BMP8B: variants seen among roughly 807,000 people sequenced by gnomAD.
BMP8B encodes bone morphogenetic protein 8 (osteogenic protein 2).
BMP8B carries 17 observed loss-of-function variants against 30.3 expected under a neutral mutation model. The observed-to-expected ratio is 0.56, with a 90% CI of 0.38 to 0.84. The LOEUF (loss-of-function observed/expected upper bound fraction) is 0.84, where lower values mean the gene tolerates loss of function less well. Ranked by LOEUF, BMP8B falls within the 40% of genes least tolerant of loss-of-function variation. BMP8B has a pLI of 0.00. For missense variants in BMP8B, 253 were observed against 494.6 expected (o/e 0.51, Z 4.63); for synonymous variants, 131 against 214.7 (o/e 0.61, Z 3.41).
intron 1 of BMP8B, among the ~76,000 whole-genome samples, chr1:39,776,775 C>T (rs1375424884): frequency 6.6e-6 from 1 of 152,212 alleles, no homozygotes; most frequent in Non-Finnish European, 1.5e-5. Context: ...CTAATAAGAT[C>T]ATCATGTTTA....
At position 39,788,569 on chromosome 1, in the gene BMP8B, G is replaced by T. The variant is rs1409754914; in HGVS notation, c.-84C>A. 1.0e-6 allele frequency: 1 copy of T among 984,734 alleles called. No homozygotes were observed. Among genetic ancestry groups the T allele is most frequent in the South Asian group, 4.5e-5 (1 of 21,986 alleles). The allele number at this position is 984,734 out of a possible 1,614,324, so 61.0% of individuals were successfully genotyped here. On this transcript the variant is annotated 5_prime_UTR_variant, in exon 1 of 7. Coordinates refer to ENST00000372827, the MANE Select transcript of BMP8B (RefSeq NM_001720.5). This position sits in a 1 kb window ranked among gnomAD's most constrained non-coding sequence, Gnocchi z 5.8. Reference sequence around the variant, plus strand: ...ACCCAGGGCCTGGGGACGCCCCGACGGCAAGGAGGCTGGGCTCGGCGGGCG... The same window carrying T: ...ACCCAGGGCCTGGGGACGCCCCGACTGCAAGGAGGCTGGGCTCGGCGGGCG...
chr1:39,782,434 C>G (rs145754801), intron 1 of BMP8B, among the ~76,000 whole-genome samples: 2 of 151,454 alleles, frequency 1.3e-5, no homozygotes, highest in African/African-American at 2.4e-5. Context: ...AATACAGCCA[C>G]TTATTGAGCA....
At position 39,760,187 on chromosome 1, in the gene BMP8B, T is replaced by G. The variant is rs905249324; in HGVS notation, c.*232A>C. 57 of 702,014 alleles carry G rather than the reference T, an allele frequency of 8.1e-5. No individual in the cohort carries two copies. The highest frequency in any genetic ancestry group is 4.1e-4 in the Middle Eastern group (1 of 2,426). 43.5% of individuals were successfully genotyped at this position (702,014 alleles called of 1,614,324 possible). On this transcript the variant is annotated 3_prime_UTR_variant, in exon 7 of 7. Coordinates refer to ENST00000372827, the MANE Select transcript of BMP8B (RefSeq NM_001720.5). ...AGGCGTTTGCATTTGGGTAGAACACTGCCTGATGATTGAGACCACCTGGGC... is the reference window on the plus strand; with the variant it reads ...AGGCGTTTGCATTTGGGTAGAACACGGCCTGATGATTGAGACCACCTGGGC...
rs545922739 is a variant in BMP8B, at chr1:39,782,594, A to G, written c.334+5558T>C. On this transcript the variant is annotated intron_variant, in intron 1 of 6. Transcript: ENST00000372827. ...GCAATTCTCCTGCCTCAGCCTCCCAAGTAGCTGGGATTACAGGCGCCTGCC... is the reference window on the plus strand; with the variant it reads ...GCAATTCTCCTGCCTCAGCCTCCCAGGTAGCTGGGATTACAGGCGCCTGCC... Among the ~76,000 whole-genome samples the G allele has an allele frequency of 3.9e-5, 6 of 152,106 alleles. No individual in the cohort carries two copies. The South Asian group carries it at 8.3e-4, about 21-fold the overall frequency.
rs561660818 is a variant in BMP8B, at chr1:39,777,635, C to T, written c.335-2597G>A. On this transcript the variant is annotated intron_variant, in intron 1 of 6. Coordinates refer to ENST00000372827, the MANE Select transcript of BMP8B (RefSeq NM_001720.5). The stretch of plus-strand genomic sequence containing the variant: ...TGTGCTCTGGGCAATTTAGTCTCAC[C>T]CAGACAACCTAAATCTGTCTTATTT... 1.3e-3 allele frequency among the ~76,000 whole-genome samples: 195 copies of T among 152,314 alleles called. 1 individual carries two copies. The highest frequency in any genetic ancestry group is 4.4e-3 in the African/African-American group (184 of 41,576).
rs1651114201 is a variant in BMP8B at position 39,788,058 on chromosome 1, C to T, written c.334+94G>A. On this transcript the variant is annotated intron_variant, in intron 1 of 6. Transcript: ENST00000372827. This position sits in a 1 kb window ranked among gnomAD's most constrained non-coding sequence, Gnocchi z 5.8. ...GTTCGCGTCCACCGTCTGTGACTCC[C>T]CGTTCGGCCAGGGCCCGGCACAGCC... 6 of 1,382,884 alleles carry T rather than the reference C, an allele frequency of 4.3e-6. No homozygotes were observed. Among genetic ancestry groups the T allele is most frequent in the Admixed American group, 6.0e-5 (2 of 33,156 alleles). 85.7% of individuals were successfully genotyped at this position (1,382,884 alleles called of 1,614,324 possible). A position where few individuals can be genotyped will look rare whatever the true frequency, so the allele number is the denominator to read the frequency against.
At chr1:39,760,687 G>A in intron 6 of BMP8B, 119 bp from the exon 7 acceptor site, 1 of 1,299,694 alleles carries the variant, frequency 7.7e-7, no homozygotes, top group East Asian at 2.5e-5. Flanking sequence ...CCACATGGGA[G>A]CAGCACAATA....
At chr1:39,778,528 A>G (rs2260474) in intron 1 of BMP8B, among the ~76,000 whole-genome samples, 97,607 of 146,736 alleles carry the variant, frequency 0.67, 33,078 homozygotes, top group Middle Eastern at 0.79. Context: ...GCACCGCCTC[A>G]AGGCGAGCCC....
At chr1:39,787,217 G>C (rs1021479402) in intron 1 of BMP8B, among the ~76,000 whole-genome samples, 1 of 146,600 alleles carries the variant, frequency 6.8e-6, no homozygotes, top group South Asian at 2.2e-4. Context: ...GCTGTCTGTG[G>C]AGGGAGGCTG....
chr1:39,787,105 G>A (rs1651035589), intron 1 of BMP8B, among the ~76,000 whole-genome samples: 1 of 152,236 alleles, frequency 6.6e-6, no homozygotes, highest in Non-Finnish European at 1.5e-5. Flanking sequence ...CGCTGTCCTA[G>A]GCATGGCGCT....
intron 6 of BMP8B, among the ~76,000 whole-genome samples, chr1:39,761,825 C>T (rs1341331639): frequency 3.9e-5 from 6 of 152,254 alleles, no homozygotes; most frequent in Admixed American, 2.6e-4. Context: ...GAGGCGTCAC[C>T]TCCACGGTTG....
chr1:39,763,054 C>A, intron 6 of BMP8B, 38 bp downstream of exon 6: 1 of 1,606,204 alleles, frequency 6.2e-7, no homozygotes, highest in Non-Finnish European at 8.5e-7. Context: ...CAGGGCCCCC[C>A]ACCCCAGGGG....
intron 5 of BMP8B, 48 bp from the exon 6 acceptor site, chr1:39,763,250 A>C (rs779434018): frequency 1.9e-6 from 3 of 1,539,098 alleles, no homozygotes; most frequent in Non-Finnish European, 2.7e-6. Context: ...CCCCTCCCTG[A>C]GCCTCAGGGC....
intron 1 of BMP8B, among the ~76,000 whole-genome samples, chr1:39,782,024 C>T (rs899577770): frequency 2.6e-5 from 4 of 151,818 alleles, no homozygotes; most frequent in African/African-American, 7.3e-5. Context: ...TGCGTGGTGG[C>T]GGGTGCCTGT....
At chr1:39,786,699 C>T (rs1359647364) in intron 1 of BMP8B, among the ~76,000 whole-genome samples, 1 of 150,276 alleles carries the variant, frequency 6.7e-6, no homozygotes, top group Non-Finnish European at 1.5e-5. Flanking sequence ...AGCCCCAGCC[C>T]CAGCTTCACA....
chr1:39,764,057 A>T, intron 4 of BMP8B: 1 of 457,890 alleles, frequency 2.2e-6, no homozygotes, highest in South Asian at 3.1e-5. Flanking sequence ...ATGCTCCAGT[A>T]AACAGCCCAG....
At chr1:39,778,341 G>A (rs999068227) in intron 1 of BMP8B, among the ~76,000 whole-genome samples, 6 of 151,688 alleles carry the variant, frequency 4.0e-5, no homozygotes, top group African/African-American at 1.2e-4. Context: ...CCAGAGCCCC[G>A]GGTGCATGGG....
intron 6 of BMP8B, chr1:39,762,357 C>T (rs370443180): frequency 5.2e-6 from 5 of 955,794 alleles, no homozygotes; most frequent in Middle Eastern, 3.4e-4. Flanking sequence ...ACCGTTGAAC[C>T]TCCTAAGGGG....
In BMP8B at chr1:39,760,006, G is replaced by T. The variant is rs967155553; in HGVS notation, c.*413C>A. ...ACACACACCACACCCTGTGATGGAT[G>T]GTGAAGAGCTCAAGGTGGCCAACAG... On this transcript the variant is annotated 3_prime_UTR_variant, in exon 7 of 7. Coordinates refer to ENST00000372827, the MANE Select transcript of BMP8B (RefSeq NM_001720.5). 10 of 230,534 alleles carry T rather than the reference G, an allele frequency of 4.3e-5. No individual in the cohort carries two copies. Among genetic ancestry groups the T allele is most frequent in the African/African-American group, 2.3e-4 (10 of 44,190 alleles). The allele number at this position is 230,534 out of a possible 1,614,324, so 14.3% of individuals were successfully genotyped here. A position where few individuals can be genotyped will look rare whatever the true frequency, so the allele number is the denominator to read the frequency against.
Sources: gnomAD v4.1 joint callset for allele counts (sites outside exome capture counted in the v4.1 genomes callset) on GRCh38, gnomAD v4.1.1 for gene constraint, Gnocchi (gnomAD v3.1) non-coding constraint, MANE v1.5 for transcripts, NCBI Gene and HGNC (gene_info 2026-07-23, HGNC 2026-07-21) for gene names.